RAI14: variants seen among roughly 807,000 people sequenced by gnomAD.
The protein encoded by RAI14 is ankycorbin.
Under a neutral mutation model 115.4 loss-of-function variants are expected in RAI14, and 45 were observed. The ratio of observed to expected loss-of-function variants is 0.39; its 90% confidence interval spans 0.31 to 0.50. The LOEUF is 0.50. Among genes scored for constraint, RAI14 ranks in the 20% least tolerant of loss-of-function variants. The pLI is 0.85. For missense variants in RAI14, 939 were observed against 1,131.2 expected (o/e 0.83, Z 2.44); for synonymous variants, 371 against 415.4 (o/e 0.89, Z 1.30).
Position 34,814,877 on chromosome 5 carries a change from T to C in RAI14, c.939+208T>C, listed in dbSNP as rs542116988. On this transcript the variant is annotated intron_variant, in intron 12 of 17. Coordinates refer to ENST00000265109, the MANE Select transcript of RAI14 (RefSeq NM_015577.3). ...CAGCTAGTTTGTATCCATAATAATT[T>C]AAAATTTTTAAAAAATCATTGAGTG... is the stretch of plus-strand genomic sequence containing the variant. Among the ~76,000 whole-genome samples the C allele has an allele frequency of 2.0e-5, 3 of 152,248 alleles. 1 individual carries two copies. In the South Asian group the frequency reaches 6.2e-4, roughly 32 times the overall value.
intron 3 of RAI14, among the ~76,000 whole-genome samples, chr5:34,792,909 G>A (rs1429204457): frequency 2.0e-5 from 3 of 152,122 alleles, no homozygotes; most frequent in African/African-American, 4.8e-5. Context: ...TTCTCAGCAG[G>A]ACACAAGCAT....
At chr5:34,666,439 G>GC (rs1743221641) in intron 1 of RAI14, among the ~76,000 whole-genome samples, 1 of 152,040 alleles carries the variant, frequency 6.6e-6, no homozygotes, top group African/African-American at 2.4e-5. Flanking sequence ...TTTCTTCTTG[G>GC]CCCCCCAGCC....
At chr5:34,735,269 C>T (rs544856645) in intron 2 of RAI14, among the ~76,000 whole-genome samples, 1 of 152,250 alleles carries the variant, frequency 6.6e-6, no homozygotes, top group South Asian at 2.1e-4. Context: ...TTTAAATTTT[C>T]TGTATCTTTG....
In RAI14 at chr5:34,688,375, A is replaced by G. The variant is rs1339864246; in HGVS notation, c.36+1420A>G. 2.0e-5 allele frequency: 19 copies of G among 942,792 alleles called. No individual in the cohort carries two copies. In the East Asian group the frequency reaches 5.0e-4, roughly 25 times the overall value. The allele number at this position is 942,792 out of a possible 1,614,324, so 58.4% of individuals were successfully genotyped here. A position where few individuals can be genotyped will look rare whatever the true frequency, so the allele number is the denominator to read the frequency against. ...GCTTTCATTTACATAGGTTAAGATT[A>G]TTTTTAGCAAAATTTCATCAGTCTA... On this transcript the variant is annotated intron_variant, in intron 2 of 17. Coordinates refer to ENST00000265109, the MANE Select transcript of RAI14 (RefSeq NM_015577.3).
rs531636376 is a variant in RAI14, at chr5:34,811,710, C to T, written c.558-57C>T. 4.5e-5 allele frequency: 65 copies of T among 1,457,752 alleles called. 1 individual carries two copies. In the South Asian group the frequency reaches 7.1e-4, roughly 16 times the overall value. The allele number at this position is 1,457,752 out of a possible 1,614,324, so 90.3% of individuals were successfully genotyped here. On this transcript the variant is annotated intron_variant, in intron 8 of 17. Coordinates refer to ENST00000265109, the MANE Select transcript of RAI14 (RefSeq NM_015577.3). Reference sequence around the variant, plus strand: ...TCTTTTTTTAAGACAACTGATTTCCCAAGAAAGACTTTTTACATTCTCTTA... The same window carrying T: ...TCTTTTTTTAAGACAACTGATTTCCTAAGAAAGACTTTTTACATTCTCTTA...
chr5:34,746,326 C>T (rs1214656665), intron 2 of RAI14, among the ~76,000 whole-genome samples: 4 of 150,066 alleles, frequency 2.7e-5, no homozygotes, highest in African/African-American at 9.8e-5. Context: ...AGGATGGTCT[C>T]GATCTCCTGA....
At chr5:34,746,113 T>G (rs1170360199) in intron 2 of RAI14, among the ~76,000 whole-genome samples, 9 of 114,152 alleles carry the variant, frequency 7.9e-5, no homozygotes, top group Non-Finnish European at 1.4e-4. Flanking sequence ...CTTTTTTTTT[T>G]TTGTTTTTTT....
intron 3 of RAI14, among the ~76,000 whole-genome samples, chr5:34,763,610 C>G (rs966308018): frequency 6.6e-6 from 1 of 152,098 alleles, no homozygotes; most frequent in Admixed American, 6.5e-5. Context: ...AACACCTAGT[C>G]GGAAAGACAA....
chr5:34,765,164 A>G (rs1372556851), intron 3 of RAI14, among the ~76,000 whole-genome samples: 1 of 152,198 alleles, frequency 6.6e-6, no homozygotes. Flanking sequence ...CCAGTCTCAG[A>G]TATGTCTTTA....
At chr5:34,661,793 G>C (rs1426057332) in intron 1 of RAI14, among the ~76,000 whole-genome samples, 1 of 152,122 alleles carries the variant, frequency 6.6e-6, no homozygotes, top group Non-Finnish European at 1.5e-5. Flanking sequence ...GCAGTAACAG[G>C]CCAGCAGCCA....
At chr5:34,731,315 A>G (rs1029706114) in intron 2 of RAI14, among the ~76,000 whole-genome samples, 1 of 152,236 alleles carries the variant, frequency 6.6e-6, no homozygotes, top group Non-Finnish European at 1.5e-5. Context: ...CATATATTTA[A>G]ATTACATACT....
chr5:34,719,782 G>A (rs1742441470), intron 2 of RAI14, among the ~76,000 whole-genome samples: 1 of 152,188 alleles, frequency 6.6e-6, no homozygotes, highest in Non-Finnish European at 1.5e-5. Context: ...TGCGCTATAT[G>A]CTAGGTGGTA....
At chr5:34,739,621 A>C (rs1159226837) in intron 2 of RAI14, among the ~76,000 whole-genome samples, 1 of 152,192 alleles carries the variant, frequency 6.6e-6, no homozygotes, top group Admixed American at 6.5e-5. Flanking sequence ...CTACTTCCTC[A>C]GTGTTTTAGT....
intron 2 of RAI14, among the ~76,000 whole-genome samples, chr5:34,718,431 CATA>C (rs566401216): frequency 1.2e-3 from 184 of 152,322 alleles, no homozygotes; most frequent in African/African-American, 4.4e-3. Flanking sequence ...TGAGAAGACA[CATA>C]ATGGTGAGAT....
rs1223121808 is a variant in RAI14, at chr5:34,831,642, C to T, written c.*877C>T. 1 of 152,270 alleles carries T rather than the reference C, an allele frequency of 6.6e-6. No individual in the cohort carries two copies. Among genetic ancestry groups the T allele is most frequent in the Non-Finnish European group, 1.5e-5 (1 of 68,020 alleles). The allele number at this position is 152,270 out of a possible 1,614,324, so 9.4% of individuals were successfully genotyped here. A position where few individuals can be genotyped will look rare whatever the true frequency, so the allele number is the denominator to read the frequency against. Reference sequence around the variant, plus strand: ...TTTTATTGGCTCATAAAGATGTTTTCATATCTGAACTCCTAAATAAGTGAA... The same window carrying T: ...TTTTATTGGCTCATAAAGATGTTTTTATATCTGAACTCCTAAATAAGTGAA... On this transcript the variant is annotated 3_prime_UTR_variant, in exon 18 of 18. Transcript: ENST00000265109.
Position 34,827,265 on chromosome 5 carries a change from C to A in RAI14, c.2799+786C>A, listed in dbSNP as rs1757544545. On this transcript the variant is annotated intron_variant, in intron 16 of 17. Transcript: ENST00000265109. The surrounding 1 kb of genome is among the most constrained non-coding windows in gnomAD (Gnocchi z 4.2). ...GGGCTCTTGTGATTACATCTAAAGC[C>A]CACCTAGATAATCCACGATAATCTC... 1.3e-5 allele frequency among the ~76,000 whole-genome samples: 2 copies of A among 151,614 alleles called. No homozygotes were observed. The highest frequency in any genetic ancestry group is 1.3e-4 in the Admixed American group (2 of 15,114).
chr5:34,694,384 T>C (rs1738978434), intron 2 of RAI14, among the ~76,000 whole-genome samples: 1 of 152,198 alleles, frequency 6.6e-6, no homozygotes, highest in Admixed American at 6.5e-5. Context: ...AGGTGGTTAT[T>C]TTCAACTATA....
At chr5:34,667,860 G>A (rs529745475) in intron 1 of RAI14, among the ~76,000 whole-genome samples, 52 of 152,300 alleles carry the variant, frequency 3.4e-4, no homozygotes, top group Non-Finnish European at 6.5e-4. Context: ...CTTTGTTGGT[G>A]AGCTCACAGA....
chr5:34,730,854 G>A (rs1394612509), intron 2 of RAI14, among the ~76,000 whole-genome samples: 3 of 151,912 alleles, frequency 2.0e-5, no homozygotes, highest in African/African-American at 4.8e-5. Flanking sequence ...GTGGTGGTGG[G>A]CGCCTGTAAT....
Sources: gnomAD v4.1 joint callset for allele counts (sites outside exome capture counted in the v4.1 genomes callset) on GRCh38, gnomAD v4.1.1 for gene constraint, Gnocchi (gnomAD v3.1) non-coding constraint, MANE v1.5 for transcripts, NCBI Gene and HGNC (gene_info 2026-07-23, HGNC 2026-07-21) for gene names.